CABYR: variants seen among roughly 807,000 people sequenced by gnomAD.
CABYR encodes calcium-binding tyrosine phosphorylation-regulated protein.
Under a neutral mutation model 36.1 loss-of-function variants are expected in CABYR, and 31 were observed. The observed-to-expected ratio is 0.86, with a 90% CI of 0.64 to 1.16. The LOEUF (loss-of-function observed/expected upper bound fraction) is 1.16, where lower values mean the gene tolerates loss of function less well. Ranked by LOEUF, CABYR falls within the 50% of genes most tolerant of loss-of-function variation. The pLI, the probability that CABYR is intolerant of heterozygous loss-of-function variation, is 0.00. For synonymous variants in CABYR, 146 were observed against 160.7 expected (o/e 0.91, Z 0.69); for missense variants, 429 against 455.8 (o/e 0.94, Z 0.53).
At chr18:24,143,022 CA>C (rs11320479) in intron 1 of CABYR, 68 bp from the exon 2 acceptor site, 190,314 of 696,642 alleles carry the variant, frequency 0.27, 4,368 homozygotes, top group African/African-American at 0.41. Context: ...GACAGAGTCT[CA>C]AAAAAAAAAA....
chr18:24,150,936 C>A (rs1330239957), intron 3 of CABYR, among the ~76,000 whole-genome samples: 1 of 152,010 alleles, frequency 6.6e-6, no homozygotes, highest in East Asian at 1.9e-4. Context: ...CCCGCCACCA[C>A]GCCCGGCTAA....
intron 4 of CABYR, chr18:24,156,531 C>A: frequency 6.2e-7 from 1 of 1,614,096 alleles, no homozygotes; most frequent in Non-Finnish European, 8.5e-7. Context: ...ACGAGTTAGT[C>A]CCAAATCTGT....
intron 3 of CABYR, among the ~76,000 whole-genome samples, chr18:24,147,005 T>C (rs772617613): frequency 2.0e-5 from 3 of 152,120 alleles, no homozygotes; most frequent in Non-Finnish European, 4.4e-5. Context: ...TAAAGAAGTT[T>C]ATAAGCAGGG....
chr18:24,157,643 C>T (rs2085826702), intron 4 of CABYR, among the ~76,000 whole-genome samples: 1 of 152,196 alleles, frequency 6.6e-6, no homozygotes, highest in Non-Finnish European at 1.5e-5. Flanking sequence ...ACTTGAACAG[C>T]AATAGATGCA....
chr18:24,142,580 G>A (rs2085350628), intron 1 of CABYR, among the ~76,000 whole-genome samples: 1 of 150,658 alleles, frequency 6.6e-6, no homozygotes, highest in Admixed American at 6.6e-5. Context: ...TTTTCCTATG[G>A]ATTTCTATCA....
At position 24,159,623 on chromosome 18, in the gene CABYR, G is replaced by T. The variant is rs2085893226; in HGVS notation, c.693G>T (p.Lys231Asn). The change falls in exon 5 of 6, where the codon AAG (lysine) becomes AAT (asparagine). Residue 231 changes from lysine to asparagine, a missense_variant. Transcript: ENST00000399496. ...PQATLYLPNP[K>N]DPQFQQHPPK... ...CAACCCTCTATTTACCTAATCCTAA[G>T]GATCCACAGTTTCAGCAGCATCCAC... 1 of 1,613,754 alleles carries T rather than the reference G, an allele frequency of 6.2e-7. No homozygotes were observed. Among genetic ancestry groups the T allele is most frequent in the Non-Finnish European group, 8.5e-7 (1 of 1,180,006 alleles).
At chr18:24,156,587 T>A in intron 4 of CABYR, 1 of 1,614,234 alleles carries the variant, frequency 6.2e-7, no homozygotes, top group South Asian at 1.1e-5. Context: ...CTGTAGAGTC[T>A]GTAAAACTTG....
At chr18:24,150,790 T>G (rs56407304) in intron 3 of CABYR, among the ~76,000 whole-genome samples, 67 of 142,866 alleles carry the variant, frequency 4.7e-4, no homozygotes, top group African/African-American at 1.7e-3. Context: ...TTTGTTTTTT[T>G]TTTTTTTTGA....
intron 3 of CABYR, among the ~76,000 whole-genome samples, chr18:24,144,675 A>G (rs2085416391): frequency 6.6e-6 from 1 of 152,226 alleles, no homozygotes; most frequent in African/African-American, 2.4e-5. Context: ...GGAGAGCAGC[A>G]TAAAAGGACA....
At chr18:24,148,937 GGGTTGCCACTGCTGGCTCGAACA>G (rs1464360984) in intron 3 of CABYR, among the ~76,000 whole-genome samples, 2 of 152,152 alleles carry the variant, frequency 1.3e-5, no homozygotes, top group Non-Finnish European at 2.9e-5. Context: ...GGACTTGAGC[GGGTTGCCACTGCTGGCTCGAACA>G]GCCTGCTTTT....
At chr18:24,155,671 T>C (rs2085761624) in intron 3 of CABYR, 30 bp from the exon 4 acceptor site, 1 of 1,473,524 alleles carries the variant, frequency 6.8e-7, no homozygotes, top group Non-Finnish European at 9.2e-7. Flanking sequence ...TTTTAGATGT[T>C]AATTAACCCA....
At chr18:24,160,217 C>A in intron 5 of CABYR, 148 bp downstream of exon 5, 1 of 634,250 alleles carries the variant, frequency 1.6e-6, no homozygotes, top group Non-Finnish European at 2.7e-6. Context: ...TTACTGTCTC[C>A]AACTTCCTAA....
chr18:24,152,963 T>C (rs977041730), intron 3 of CABYR: 7 of 152,512 alleles, frequency 4.6e-5, no homozygotes, highest in African/African-American at 1.7e-4. Context: ...TTCACTGTAC[T>C]ACAGGCCTCA....
chr18:24,149,212 T>C (rs1453000164), intron 3 of CABYR, among the ~76,000 whole-genome samples: 1 of 152,074 alleles, frequency 6.6e-6, no homozygotes, highest in Admixed American at 6.5e-5. Flanking sequence ...AGGGTGCTGA[T>C]TGGTGCGTTT....
At chr18:24,147,363 T>A (rs2085486251) in intron 3 of CABYR, among the ~76,000 whole-genome samples, 1 of 152,036 alleles carries the variant, frequency 6.6e-6, no homozygotes, top group Admixed American at 6.6e-5. Context: ...ATTGACCCAT[T>A]GTACCCAATG....
chr18:24,143,063 T>C, intron 1 of CABYR, 28 bp from the exon 2 acceptor site: 1 of 1,414,576 alleles, frequency 7.1e-7, no homozygotes, highest in South Asian at 1.4e-5. Flanking sequence ...TAAAACTAAT[T>C]ACTTCTAAGA....
At chr18:24,152,327 A>C (rs951992658) in intron 3 of CABYR, among the ~76,000 whole-genome samples, 5 of 152,206 alleles carry the variant, frequency 3.3e-5, no homozygotes, top group African/African-American at 1.2e-4. Context: ...AACTCCATGA[A>C]GTCAGAGTTA....
intron 1 of CABYR, 44 bp from the exon 2 acceptor site, chr18:24,143,047 T>TTTTAGTAAAACTAAATTTAGTAAA: frequency 7.9e-7 from 1 of 1,267,148 alleles, no homozygotes; most frequent in Non-Finnish European, 1.1e-6. Flanking sequence ...AAAAAACCTA[T>TTTTAGTAAAACTAAATTTAGTAAA]TTTAGTAAAA....
intron 3 of CABYR, among the ~76,000 whole-genome samples, chr18:24,147,840 T>G (rs1363298849): frequency 6.6e-6 from 1 of 152,162 alleles, no homozygotes; most frequent in Non-Finnish European, 1.5e-5. Context: ...TCATATCAGT[T>G]AGGAAAGCTT....
Sources: gnomAD v4.1 joint callset for allele counts (sites outside exome capture counted in the v4.1 genomes callset) on GRCh38, gnomAD v4.1.1 for gene constraint, MANE v1.5 for transcripts, NCBI Gene and HGNC (gene_info 2026-07-23, HGNC 2026-07-21) for gene names.